Variants in PDE11A observed in about 807,000 individuals in gnomAD.
PDE11A encodes dual 3',5'-cyclic-AMP and -GMP phosphodiesterase 11A.
PDE11A carries 100 observed loss-of-function variants against 100.5 expected under a neutral mutation model. That is an observed-to-expected ratio of 1.00 (90% CI 0.85 to 1.18). PDE11A has a LOEUF of 1.18. Among genes scored for constraint, PDE11A ranks in the 50% most tolerant of loss-of-function variants. The pLI, the probability that PDE11A is intolerant of heterozygous loss-of-function variation, is 0.00. For synonymous variants in PDE11A, 381 were observed against 420.8 expected, an observed-to-expected ratio of 0.91 and a Z score of 1.16; for missense variants, 1,141 against 1,152.6, an observed-to-expected ratio of 0.99 and a Z score of 0.15.
chr2:178,080,356 C>A (rs1453650532), intron 2 of PDE11A, among the ~76,000 whole-genome samples: 2 of 152,148 alleles, frequency 1.3e-5, no homozygotes, highest in Non-Finnish European at 2.9e-5. Flanking sequence ...TTTCAATTTT[C>A]TGCATATGGC....
chr2:177,773,229 G>C (rs1310109205), intron 9 of PDE11A, among the ~76,000 whole-genome samples: 1 of 152,008 alleles, frequency 6.6e-6, no homozygotes, highest in Non-Finnish European at 1.5e-5. Context: ...GCCCAGGCTG[G>C]TCTTGAACTC....
At chr2:177,994,148 C>G (rs190473728) in intron 2 of PDE11A, among the ~76,000 whole-genome samples, 2 of 152,024 alleles carry the variant, frequency 1.3e-5, no homozygotes, top group East Asian at 3.9e-4. Flanking sequence ...GCGGGCTGGT[C>G]TCGAACTCCT....
intron 2 of PDE11A, among the ~76,000 whole-genome samples, chr2:177,929,126 C>T (rs1399703397): frequency 6.6e-6 from 1 of 152,072 alleles, no homozygotes; most frequent in South Asian, 2.1e-4. Flanking sequence ...GCAAGTGCTC[C>T]CAGCCTGGGT....
chr2:177,638,778 T>G (rs181841344), intron 19 of PDE11A, among the ~76,000 whole-genome samples: 1 of 152,354 alleles, frequency 6.6e-6, no homozygotes, highest in Non-Finnish European at 1.5e-5. Flanking sequence ...TTCTGAGAAC[T>G]GCATCCAATG....
intron 6 of PDE11A, among the ~76,000 whole-genome samples, chr2:177,838,751 T>C (rs1420469653): frequency 2.0e-5 from 3 of 152,242 alleles, no homozygotes; most frequent in Admixed American, 6.5e-5. Context: ...TGGAAAAGTA[T>C]ATAAATGTTG....
At chr2:177,908,113 T>C (rs2084819713) in intron 2 of PDE11A, among the ~76,000 whole-genome samples, 1 of 152,204 alleles carries the variant, frequency 6.6e-6, no homozygotes, top group Non-Finnish European at 1.5e-5. Flanking sequence ...AGATCTACCT[T>C]CTTAACTTCT....
chr2:177,848,006 G>A (rs1167546958), intron 5 of PDE11A, among the ~76,000 whole-genome samples: 1 of 152,110 alleles, frequency 6.6e-6, no homozygotes, highest in Non-Finnish European at 1.5e-5. Flanking sequence ...GTGTGTGTGT[G>A]TGTGTAGCCA....
intron 17 of PDE11A, among the ~76,000 whole-genome samples, chr2:177,673,517 G>A (rs888843502): frequency 1.3e-5 from 2 of 152,090 alleles, no homozygotes; most frequent in Non-Finnish European, 2.9e-5. Flanking sequence ...TTCCGAATGG[G>A]AGTCTTTGGG....
chr2:177,706,557 T>C (rs940567996), intron 13 of PDE11A, among the ~76,000 whole-genome samples: 3 of 152,228 alleles, frequency 2.0e-5, no homozygotes, highest in African/African-American at 7.2e-5. Context: ...GGTAGTTCCT[T>C]GACCATGATG....
At chr2:177,760,726 C>A (rs1245554728) in intron 10 of PDE11A, among the ~76,000 whole-genome samples, 1 of 152,182 alleles carries the variant, frequency 6.6e-6, no homozygotes, top group Non-Finnish European at 1.5e-5. Context: ...TCTTGTCTTA[C>A]TGTGTCCATG....
chr2:177,703,576 A>G (rs2081233006), intron 13 of PDE11A, among the ~76,000 whole-genome samples: 2 of 152,204 alleles, frequency 1.3e-5, no homozygotes, highest in South Asian at 4.1e-4. Flanking sequence ...TCCTGTGATC[A>G]TTCCTATGAA....
At chr2:177,960,617 C>T (rs1439048490) in intron 2 of PDE11A, among the ~76,000 whole-genome samples, 3 of 151,546 alleles carry the variant, frequency 2.0e-5, no homozygotes, top group Non-Finnish European at 4.4e-5. Flanking sequence ...TGAGATTTTC[C>T]ATAGTCTTAT....
At chr2:177,884,031 A>G (rs1361210213) in intron 4 of PDE11A, among the ~76,000 whole-genome samples, 3 of 152,210 alleles carry the variant, frequency 2.0e-5, no homozygotes, top group Non-Finnish European at 4.4e-5. Flanking sequence ...GCCAGAGGAC[A>G]AGAAAGCCCA....
At chr2:177,850,416 T>TA (rs1323473154) in intron 5 of PDE11A, among the ~76,000 whole-genome samples, 6 of 152,196 alleles carry the variant, frequency 3.9e-5, no homozygotes, top group African/African-American at 7.2e-5. Flanking sequence ...ATGTTAGACC[T>TA]AAAACCATAA....
At chr2:177,749,263 G>A (rs2081995359) in intron 10 of PDE11A, among the ~76,000 whole-genome samples, 1 of 152,176 alleles carries the variant, frequency 6.6e-6, no homozygotes, top group South Asian at 2.1e-4. Flanking sequence ...AGGCTGGAGA[G>A]TACAGTGGCA....
chr2:177,791,355 G>T (rs1193263761), intron 9 of PDE11A, among the ~76,000 whole-genome samples: 2 of 141,688 alleles, frequency 1.4e-5, no homozygotes, highest in Non-Finnish European at 3.0e-5. Flanking sequence ...CGTGGACACA[G>T]GAAGGGGAAC....
intron 1 of PDE11A, among the ~76,000 whole-genome samples, chr2:178,021,996 T>A (rs12478277): frequency 0.5 from 76,554 of 151,878 alleles, 20,075 homozygotes; most frequent in East Asian, 0.71. Context: ...GAATTGTAAA[T>A]TTATCATAGA....
intron 2 of PDE11A, among the ~76,000 whole-genome samples, chr2:177,935,356 C>A (rs963639131): frequency 2.7e-5 from 4 of 149,782 alleles, no homozygotes; most frequent in Non-Finnish European, 5.9e-5. Context: ...TAAATAGCCA[C>A]GAATTTGCAA....
chr2:177,854,579 C>T (rs2105656731), intron 5 of PDE11A, among the ~76,000 whole-genome samples: 1 of 152,180 alleles, frequency 6.6e-6, no homozygotes, highest in African/African-American at 2.4e-5. Context: ...ATCAAAGCAA[C>T]ATGATTCCCT....
Sources: allele counts gnomAD v4.1 joint callset (sites outside exome capture counted in the v4.1 genomes callset), GRCh38; gene constraint gnomAD v4.1.1; transcripts MANE v1.5; gene names NCBI Gene and HGNC (gene_info 2026-07-23, HGNC 2026-07-21).